The following WDR70 variants were observed in gnomAD, a reference collection of about 807,000 sequenced individuals.
WDR70 encodes WD repeat domain 70.
Under a neutral mutation model 88.6 loss-of-function variants are expected in WDR70, and 53 were observed. That is an observed-to-expected ratio of 0.60 (90% CI 0.48 to 0.75). The LOEUF (loss-of-function observed/expected upper bound fraction) is 0.75, where lower values mean the gene tolerates loss of function less well. WDR70 is among the 30% of genes least tolerant of loss of function. The probability of loss-of-function intolerance (pLI) is 0.00; values close to 1 mark genes in which losing one functional copy is unlikely to be tolerated. For synonymous variants in WDR70, 280 were observed against 270.0 expected, an observed-to-expected ratio of 1.04 and a Z score of -0.36; for missense variants, 610 against 823.2, an observed-to-expected ratio of 0.74 and a Z score of 3.17.
rs1456366698 is a variant in WDR70 at position 37,396,653 on chromosome 5, G to T, written c.492+83G>T. On this transcript the variant is annotated intron_variant, in intron 5 of 17. Transcript: ENST00000265107. ...TCAGTTCTGCTAAACTGTTTTTCAT[G>T]AGTAAGAGCCAATTTAAAAACTGAG... is the stretch of plus-strand genomic sequence containing the variant. 4.8e-6 allele frequency: 7 copies of T among 1,444,318 alleles called. No individual in the cohort carries two copies. In the Admixed American group the frequency reaches 1.8e-4, roughly 38 times the overall value. The allele number at this position is 1,444,318 out of a possible 1,614,324, so 89.5% of individuals were successfully genotyped here. A position where few individuals can be genotyped will look rare whatever the true frequency, so the allele number is the denominator to read the frequency against.
At chr5:37,437,067 CCTGT>C (rs1393161390) in intron 5 of WDR70, among the ~76,000 whole-genome samples, 1 of 152,118 alleles carries the variant, frequency 6.6e-6, no homozygotes, top group Non-Finnish European at 1.5e-5. Context: ...TGCCCATACT[CCTGT>C]CTATGATAGC....
At chr5:37,623,964 G>A (rs1307951254) in intron 10 of WDR70, among the ~76,000 whole-genome samples, 2 of 151,906 alleles carry the variant, frequency 1.3e-5, no homozygotes, top group East Asian at 1.9e-4. Context: ...TCACTGTTAC[G>A]TTTTATTTGA....
intron 17 of WDR70, among the ~76,000 whole-genome samples, chr5:37,746,365 A>G (rs917511274): frequency 6.6e-6 from 1 of 152,200 alleles, no homozygotes; most frequent in Non-Finnish European, 1.5e-5. Context: ...CAATTAAAAG[A>G]GCTAGAGCGG....
At chr5:37,423,409 G>T (rs1750010633) in intron 5 of WDR70, among the ~76,000 whole-genome samples, 1 of 150,204 alleles carries the variant, frequency 6.7e-6, no homozygotes, top group Non-Finnish European at 1.5e-5. Flanking sequence ...GAAAAAGGAA[G>T]AACAAGAGTT....
At chr5:37,421,484 G>T (rs1348237287) in intron 5 of WDR70, among the ~76,000 whole-genome samples, 1 of 152,108 alleles carries the variant, frequency 6.6e-6, no homozygotes, top group African/African-American at 2.4e-5. Flanking sequence ...TCATTTTTCA[G>T]AATTATTTTT....
At chr5:37,431,602 T>G (rs1220202827) in intron 5 of WDR70, among the ~76,000 whole-genome samples, 3 of 152,216 alleles carry the variant, frequency 2.0e-5, no homozygotes, top group Non-Finnish European at 4.4e-5. Flanking sequence ...TAACCATTTT[T>G]AAGTGTACAA....
At chr5:37,493,363 A>G (rs1740124187) in intron 8 of WDR70, among the ~76,000 whole-genome samples, 1 of 152,196 alleles carries the variant, frequency 6.6e-6, no homozygotes, top group South Asian at 2.1e-4. Flanking sequence ...CTTCAGGGTC[A>G]GCAAAGGAGA....
At chr5:37,531,960 C>T (rs1044017474) in intron 9 of WDR70, among the ~76,000 whole-genome samples, 3 of 151,974 alleles carry the variant, frequency 2.0e-5, no homozygotes, top group African/African-American at 7.3e-5. Context: ...CTGGTAGTGG[C>T]GAATTCTCTC....
chr5:37,672,970 G>T (rs529810904), intron 10 of WDR70, among the ~76,000 whole-genome samples: 2 of 152,094 alleles, frequency 1.3e-5, no homozygotes, highest in East Asian at 3.9e-4. Flanking sequence ...GAGGCGGGGG[G>T]GTTTGTTGTA....
intron 5 of WDR70, among the ~76,000 whole-genome samples, chr5:37,424,551 C>T (rs545158634): frequency 1.9e-4 from 29 of 151,608 alleles, no homozygotes; most frequent in East Asian, 3.9e-4. Flanking sequence ...ACTACAAGTG[C>T]GCACCACCAT....
intron 9 of WDR70, among the ~76,000 whole-genome samples, chr5:37,568,292 A>G (rs1742802915): frequency 6.6e-6 from 1 of 152,162 alleles, no homozygotes; most frequent in South Asian, 2.1e-4. Flanking sequence ...AGCTGTTGAG[A>G]AGGTCTATGA....
At chr5:37,523,570 C>T (rs376105299) in intron 9 of WDR70, among the ~76,000 whole-genome samples, 70 of 152,216 alleles carry the variant, frequency 4.6e-4, no homozygotes, top group South Asian at 4.1e-3. Flanking sequence ...AAAATCAGAG[C>T]GCCTCTCCCC....
At chr5:37,739,227 G>A (rs543252573) in intron 17 of WDR70, among the ~76,000 whole-genome samples, 37 of 152,316 alleles carry the variant, frequency 2.4e-4, no homozygotes, top group African/African-American at 7.7e-4. Flanking sequence ...AGCTGACTTC[G>A]TTAAGGTAGA....
chr5:37,386,013 C>T (rs1418780649), intron 3 of WDR70, among the ~76,000 whole-genome samples: 1 of 150,304 alleles, frequency 6.7e-6, no homozygotes, highest in Admixed American at 6.7e-5. Context: ...CAGGGTTTCA[C>T]CCTGTTAGCC....
At chr5:37,705,971 G>C (rs1309492691) in intron 13 of WDR70, among the ~76,000 whole-genome samples, 2 of 152,186 alleles carry the variant, frequency 1.3e-5, no homozygotes, top group Non-Finnish European at 2.9e-5. Context: ...TATATTCTAG[G>C]ACACCAGGCT....
At chr5:37,510,102 A>G (rs1240942072) in intron 8 of WDR70, among the ~76,000 whole-genome samples, 1 of 152,046 alleles carries the variant, frequency 6.6e-6, no homozygotes, top group East Asian at 1.9e-4. Context: ...AAAACTTAAT[A>G]AAATTATTTA....
intron 10 of WDR70, among the ~76,000 whole-genome samples, chr5:37,680,192 T>C (rs1746384700): frequency 6.6e-6 from 1 of 152,010 alleles, no homozygotes; most frequent in Non-Finnish European, 1.5e-5. Flanking sequence ...TGGCTGCATG[T>C]ATGTCTTCTT....
chr5:37,495,296 G>T (rs755662207), intron 8 of WDR70, among the ~76,000 whole-genome samples: 1 of 152,080 alleles, frequency 6.6e-6, no homozygotes, highest in Admixed American at 6.5e-5. Flanking sequence ...CTTCTTGGGG[G>T]TAGGCTTTGT....
intron 9 of WDR70, among the ~76,000 whole-genome samples, chr5:37,561,668 T>C (rs1742508520): frequency 6.6e-6 from 1 of 152,238 alleles, no homozygotes; most frequent in Non-Finnish European, 1.5e-5. Flanking sequence ...CATGTCGTTA[T>C]GAGGGTTATT....
Sources: gnomAD v4.1 joint callset for allele counts (sites outside exome capture counted in the v4.1 genomes callset) on GRCh38, gnomAD v4.1.1 for gene constraint, MANE v1.5 for transcripts, NCBI Gene and HGNC (gene_info 2026-07-23, HGNC 2026-07-21) for gene names.